The following PARD3B variants were observed in gnomAD, a reference collection of about 807,000 sequenced individuals.
PARD3B encodes par-3 family cell polarity regulator beta.
In PARD3B, 103 loss-of-function variants were observed where a neutral mutation model predicts 130.2. The ratio of observed to expected loss-of-function variants is 0.79; its 90% CI spans 0.67 to 0.93. The LOEUF is 0.93. Among genes scored for constraint, PARD3B ranks in the 40% least tolerant of loss-of-function variants. PARD3B has a pLI of 0.00. For missense variants in PARD3B, 1,609 were observed against 1,499.2 expected, an observed-to-expected ratio of 1.07 and a Z score of -1.21; for synonymous variants, 583 against 553.2, an observed-to-expected ratio of 1.05 and a Z score of -0.76.
chr2:204,872,478 A>G (rs544690258), intron 2 of PARD3B, among the ~76,000 whole-genome samples: 141 of 152,178 alleles, frequency 9.3e-4, no homozygotes, highest in African/African-American at 3.4e-3. Flanking sequence ...GAGGAAAGGT[A>G]TTCATTTTTT....
intron 18 of PARD3B, among the ~76,000 whole-genome samples, chr2:205,380,978 T>A (rs1442261421): frequency 1.2e-5 from 1 of 85,970 alleles, no homozygotes; most frequent in Non-Finnish European, 2.1e-5. Flanking sequence ...AAGAATATAT[T>A]ATATATAATA....
rs2042906178 is a variant in PARD3B, at chr2:205,325,455, C to G, written c.2630+23754C>G. 6.6e-6 allele frequency among the ~76,000 whole-genome samples: 1 copy of G among 152,016 alleles called. No homozygotes were observed. The highest frequency in any genetic ancestry group is 2.4e-5 in the African/African-American group (1 of 41,386). On this transcript the variant is annotated intron_variant, in intron 18 of 22. Coordinates refer to ENST00000406610, the MANE Select transcript of PARD3B (RefSeq NM_001302769.2). This position sits in a 1 kb window ranked among gnomAD's most constrained non-coding sequence, Gnocchi z 4.1. Reference sequence around the variant, plus strand: ...GCTGGGTTCAAGGGTTCTTTGGAAGCCTTGCTGACAACAATTCTCTCCACA... The same window carrying G: ...GCTGGGTTCAAGGGTTCTTTGGAAGGCTTGCTGACAACAATTCTCTCCACA...
chr2:204,979,852 T>C (rs1432160027), intron 3 of PARD3B, among the ~76,000 whole-genome samples: 1 of 152,166 alleles, frequency 6.6e-6, no homozygotes, highest in East Asian at 1.9e-4. Context: ...AGATTATAGA[T>C]CTAAAGGTAA....
chr2:205,203,411 CTTTTACT>C (rs1388611017), intron 15 of PARD3B, among the ~76,000 whole-genome samples: 6 of 148,186 alleles, frequency 4.0e-5, no homozygotes, highest in Non-Finnish European at 9.0e-5. Context: ...TTTTACTATA[CTTTTACT>C]TTTTACTTTT....
rs550118734 is a variant in PARD3B at position 205,238,629 on chromosome 2, C to T, written c.2141-7149C>T. Among the ~76,000 whole-genome samples, 1,110 of 151,060 alleles carry T rather than the reference C, an allele frequency of 7.3e-3. 16 individuals carry two copies. Among genetic ancestry groups the T allele is most frequent in the African/African-American group, 0.025 (1,037 of 41,178 alleles). On this transcript the variant is annotated intron_variant, in intron 15 of 22. Transcript: ENST00000406610. The stretch of plus-strand genomic sequence containing the variant: ...GGTGTATCACCTGAGGTCAGGAGTT[C>T]GAGACCAGCTTGACCAACATGGTGA...
intron 16 of PARD3B, among the ~76,000 whole-genome samples, chr2:205,247,914 A>ATTTTTTG (rs1033112404): frequency 6.6e-6 from 1 of 151,726 alleles, no homozygotes; most frequent in Non-Finnish European, 1.5e-5. Flanking sequence ...ACCCTTCCCC[A>ATTTTTTG]TTTTTTGTTT....
chr2:204,834,603 A>G (rs2043960804), intron 2 of PARD3B, among the ~76,000 whole-genome samples: 1 of 152,222 alleles, frequency 6.6e-6, no homozygotes, highest in Admixed American at 6.5e-5. Flanking sequence ...TTTATTAATT[A>G]TTATCCTCAC....
intron 1 of PARD3B, among the ~76,000 whole-genome samples, chr2:204,546,337 A>G (rs564245651): frequency 1.8e-4 from 27 of 152,112 alleles, no homozygotes; most frequent in Non-Finnish European, 3.7e-4. Context: ...CAGCATTGGA[A>G]TCTCTTGGGA....
rs897571564 is a variant in PARD3B, at chr2:205,564,859, G to C, written c.3260+11456G>C. Reference sequence around the variant, plus strand: ...ACAAAAACAGCAGCCTCCAGAACGTGTTCCTGCTTCTATTCCAAGTCTCTC... The same window carrying C: ...ACAAAAACAGCAGCCTCCAGAACGTCTTCCTGCTTCTATTCCAAGTCTCTC... On this transcript the variant is annotated intron_variant, in intron 22 of 22. Coordinates refer to ENST00000406610, the MANE Select transcript of PARD3B (RefSeq NM_001302769.2). The surrounding 1 kb of genome is among the most constrained non-coding windows in gnomAD (Gnocchi z 4.6). Among the ~76,000 whole-genome samples the C allele has an allele frequency of 6.6e-6, 1 of 152,182 alleles. No individual in the cohort carries two copies. Among genetic ancestry groups the C allele is most frequent in the African/African-American group, 2.4e-5 (1 of 41,440 alleles).
chr2:205,314,060 A>C (rs4675512), intron 18 of PARD3B, among the ~76,000 whole-genome samples: 139,073 of 152,174 alleles, frequency 0.91, 63,737 homozygotes, highest in Admixed American at 0.95. Flanking sequence ...CCTAATTTAC[A>C]TTGTTCCGTG....
chr2:205,107,030 G>A (rs994364637), intron 5 of PARD3B, among the ~76,000 whole-genome samples: 6 of 152,174 alleles, frequency 3.9e-5, no homozygotes, highest in African/African-American at 1.2e-4. Flanking sequence ...ATGCCACAGG[G>A]CTTGGCCCAT....
intron 16 of PARD3B, among the ~76,000 whole-genome samples, chr2:205,251,365 G>A (rs1009089092): frequency 6.6e-6 from 1 of 152,148 alleles, no homozygotes; most frequent in Non-Finnish European, 1.5e-5. Context: ...ACGTGCAGGT[G>A]TTGTGTATCC....
At chr2:205,595,050 C>A (rs1459202650) in intron 22 of PARD3B, among the ~76,000 whole-genome samples, 1 of 152,194 alleles carries the variant, frequency 6.6e-6, no homozygotes. Flanking sequence ...TCCATCACAA[C>A]CCTGCAAGGG....
intron 2 of PARD3B, among the ~76,000 whole-genome samples, chr2:204,721,587 T>C (rs542024203): frequency 2.1e-4 from 32 of 152,306 alleles, no homozygotes; most frequent in African/African-American, 7.2e-4. Flanking sequence ...CTGAATGTTA[T>C]GGCACAATAT....
intron 15 of PARD3B, among the ~76,000 whole-genome samples, chr2:205,222,031 A>G (rs928588557): frequency 5.9e-5 from 9 of 152,122 alleles, no homozygotes; most frequent in African/African-American, 2.2e-4. Flanking sequence ...GTGATGAAAT[A>G]ATCTGTTCAA....
At chr2:204,563,822 A>G (rs1178162240) in intron 1 of PARD3B, among the ~76,000 whole-genome samples, 1 of 152,034 alleles carries the variant, frequency 6.6e-6, no homozygotes, top group African/African-American at 2.4e-5. Context: ...CACCCAGGCT[A>G]GAGTGCAGTG....
intron 4 of PARD3B, chr2:205,103,848 T>G (rs1165638045): frequency 6.9e-6 from 4 of 577,044 alleles, no homozygotes; most frequent in Non-Finnish European, 8.8e-6. Context: ...AGTGGGAGCC[T>G]GTTTACAATT....
At chr2:205,001,745 G>A (rs1694847192) in intron 3 of PARD3B, among the ~76,000 whole-genome samples, 1 of 152,212 alleles carries the variant, frequency 6.6e-6, no homozygotes, top group African/African-American at 2.4e-5. Context: ...AAAACTCCTT[G>A]TAGGGCAAAC....
chr2:204,754,093 C>A (rs2040572530), intron 2 of PARD3B, among the ~76,000 whole-genome samples: 1 of 152,028 alleles, frequency 6.6e-6, no homozygotes. Flanking sequence ...TGAGGATAGC[C>A]TCTGAAAAAC....
Sources: allele counts gnomAD v4.1 joint callset (sites outside exome capture counted in the v4.1 genomes callset), GRCh38; gene constraint gnomAD v4.1.1; non-coding constraint Gnocchi (gnomAD v3.1); transcripts MANE v1.5; gene names NCBI Gene and HGNC (gene_info 2026-07-23, HGNC 2026-07-21).